PDE7A: variants seen among roughly 807,000 people sequenced by gnomAD.
PDE7A encodes high affinity 3',5'-cyclic-AMP phosphodiesterase 7A.
Under a neutral mutation model 64.3 loss-of-function variants are expected in PDE7A, and 39 were observed. The observed-to-expected ratio is 0.61, with a 90% confidence interval of 0.47 to 0.79. The LOEUF (loss-of-function observed/expected upper bound fraction) is 0.79, where lower values mean the gene tolerates loss of function less well. PDE7A is among the 30% of genes least tolerant of loss of function. The pLI is 0.00. For missense variants in PDE7A, 470 were observed against 582.8 expected, an observed-to-expected ratio of 0.81 and a Z score of 1.99; for synonymous variants, 203 against 206.8, an observed-to-expected ratio of 0.98 and a Z score of 0.16.
intron 1 of PDE7A, among the ~76,000 whole-genome samples, chr8:65,826,214 T>C (rs1810670148): frequency 6.6e-6 from 1 of 152,242 alleles, no homozygotes; most frequent in Admixed American, 6.5e-5. Flanking sequence ...TGTTTTACTG[T>C]GATGAGAACA....
intron 5 of PDE7A, 34 bp downstream of exon 5, chr8:65,745,373 A>G (rs1432417195): frequency 1.7e-6 from 2 of 1,195,638 alleles, no homozygotes; most frequent in Non-Finnish European, 2.5e-6. Flanking sequence ...AATCTAGACT[A>G]CATTAACTTG....
In PDE7A at chr8:65,726,954, G is replaced by T; in HGVS notation, c.841C>A (p.Leu281Met). 6.3e-7 allele frequency: 1 copy of T among 1,589,992 alleles called. No individual in the cohort carries two copies. The highest frequency in any genetic ancestry group is 8.6e-7 in the Non-Finnish European group (1 of 1,158,754). Residue 281 changes from leucine (L) to methionine (M), a missense_variant, in exon 9 of 13, where the codon CTG (leucine) becomes ATG (methionine). Physicochemically the swap from Leu to Met is conservative, Grantham distance 15 (BLOSUM62 2). Coordinates refer to ENST00000401827, the MANE Select transcript of PDE7A (RefSeq NM_001242318.3). ...GCAGATCTCCAGTGGTGATTTTCCA[G>T]TACTGAGGTATTCTACAACAAAGGA... ...LATLYKNTSV[L>M]ENHHWRSAVG...
chr8:65,756,855 G>A (rs938155049), intron 3 of PDE7A, among the ~76,000 whole-genome samples: 8 of 152,104 alleles, frequency 5.3e-5, no homozygotes, highest in Non-Finnish European at 1.2e-4. Context: ...TTACACTGGG[G>A]AAGCTCTGGA....
chr8:65,770,507 C>T (rs6472221), intron 3 of PDE7A, among the ~76,000 whole-genome samples: 44,066 of 152,046 alleles, frequency 0.29, 7,002 homozygotes, highest in African/African-American at 0.42. Context: ...TTACCTCCCA[C>T]TGGGCCCCTC....
In PDE7A at chr8:65,810,068, T is replaced by C. The variant is rs147278260; in HGVS notation, c.139-27225A>G. Among the ~76,000 whole-genome samples the C allele has an allele frequency of 6.0e-3, 909 of 152,252 alleles. 9 individuals are homozygous for C. The highest frequency in any genetic ancestry group is 0.02 in the African/African-American group (847 of 41,514). ...CACACATATGTTTACTGCAGCACTA[T>C]TGACAATAGCAAAGACTTGGAACCA... On this transcript the variant is annotated intron_variant, in intron 1 of 12. Transcript: ENST00000401827.
chr8:65,830,034 G>A (rs558675141), intron 1 of PDE7A, among the ~76,000 whole-genome samples: 3 of 152,054 alleles, frequency 2.0e-5, no homozygotes, highest in Non-Finnish European at 4.4e-5. Context: ...CAGCATGTCT[G>A]TTTTCCTTTA....
intron 3 of PDE7A, among the ~76,000 whole-genome samples, chr8:65,767,980 G>A (rs573027591): frequency 6.6e-6 from 1 of 152,214 alleles, no homozygotes; most frequent in South Asian, 2.1e-4. Flanking sequence ...GGGCTGGGAG[G>A]CAGGTTTAGG....
At chr8:65,737,395 T>C (rs947587905) in intron 6 of PDE7A, among the ~76,000 whole-genome samples, 2 of 152,192 alleles carry the variant, frequency 1.3e-5, no homozygotes, top group East Asian at 1.9e-4. Flanking sequence ...CTACTCACAC[T>C]ATATTAATTA....
chr8:65,841,312 T>G (rs1811081918), intron 1 of PDE7A, 59 bp downstream of exon 1: 1 of 1,422,510 alleles, frequency 7.0e-7, no homozygotes, highest in East Asian at 2.8e-5. Context: ...TGAAGCTGGG[T>G]GGGCAGAGGG....
At chr8:65,792,152 C>T (rs1809717931) in intron 1 of PDE7A, among the ~76,000 whole-genome samples, 2 of 152,038 alleles carry the variant, frequency 1.3e-5, no homozygotes, top group African/African-American at 2.4e-5. Flanking sequence ...TAACTGTTTT[C>T]GTAGTTGTCT....
chr8:65,719,887 T>G (rs1206979676), intron 12 of PDE7A: 1 of 239,244 alleles, frequency 4.2e-6, no homozygotes, highest in African/African-American at 2.2e-5. Context: ...GGGGTCTCCT[T>G]CAGGACTGAG....
At chr8:65,812,122 A>G (rs192284014) in intron 1 of PDE7A, among the ~76,000 whole-genome samples, 1 of 151,794 alleles carries the variant, frequency 6.6e-6, no homozygotes, top group African/African-American at 2.4e-5. Context: ...TGGGAGGATC[A>G]TTTGAACTCA....
chr8:65,841,320 G>A, intron 1 of PDE7A, 51 bp downstream of exon 1: 1 of 1,446,254 alleles, frequency 6.9e-7, no homozygotes, highest in Non-Finnish European at 9.1e-7. Context: ...GGTGGGCAGA[G>A]GGAAACAAAA....
At chr8:65,764,349 A>G (rs1312786279) in intron 3 of PDE7A, among the ~76,000 whole-genome samples, 10 of 152,236 alleles carry the variant, frequency 6.6e-5, no homozygotes, top group Non-Finnish European at 1.2e-4. Flanking sequence ...CTACAATACC[A>G]TAACTACAAG....
rs1811092562 is a variant in PDE7A at position 65,841,622 on chromosome 8, C to T, written c.-114G>A. 1 of 302,996 alleles carries T rather than the reference C, an allele frequency of 3.3e-6. No individual in the cohort carries two copies. The highest frequency in any genetic ancestry group is 5.2e-6 in the Non-Finnish European group (1 of 191,718). The allele number at this position is 302,996 out of a possible 1,614,324, so 18.8% of individuals were successfully genotyped here. ...CGGGCCGAGACGGGGGCAGGGCGGG[C>T]GGGGACCGACCCCGGGCTGGGAAGC... On this transcript the variant is annotated 5_prime_UTR_variant, in exon 1 of 13. Coordinates refer to ENST00000401827, the MANE Select transcript of PDE7A (RefSeq NM_001242318.3).
chr8:65,840,705 CCACT>C (rs146879076), intron 1 of PDE7A, among the ~76,000 whole-genome samples: 8,465 of 152,316 alleles, frequency 0.056, 338 homozygotes, highest in Middle Eastern at 0.11. Context: ...TGGTATTGGA[CCACT>C]CAAAGTCTTC....
intron 7 of PDE7A, among the ~76,000 whole-genome samples, chr8:65,733,077 T>A (rs1185142542): frequency 6.6e-6 from 1 of 152,218 alleles, no homozygotes; most frequent in Non-Finnish European, 1.5e-5. Flanking sequence ...TGTAGGGCTT[T>A]GTGATTTTAT....
chr8:65,734,182 C>T (rs1302361742), intron 7 of PDE7A, among the ~76,000 whole-genome samples: 1 of 152,192 alleles, frequency 6.6e-6, no homozygotes, highest in Non-Finnish European at 1.5e-5. Context: ...CTCTACATTC[C>T]TCCTCTCATG....
intron 1 of PDE7A, 37 bp downstream of exon 1, chr8:65,841,334 A>AG: frequency 6.7e-7 from 1 of 1,483,570 alleles, no homozygotes; most frequent in Non-Finnish European, 9.0e-7. Flanking sequence ...AACAAAAGAG[A>AG]GAAGCCCTCA....
Sources: gnomAD v4.1 joint callset for allele counts (sites outside exome capture counted in the v4.1 genomes callset) on GRCh38, gnomAD v4.1.1 for gene constraint, MANE v1.5 for transcripts, NCBI Gene and HGNC (gene_info 2026-07-23, HGNC 2026-07-21) for gene names.